CCDC171: variants seen among roughly 807,000 people sequenced by gnomAD.
The protein encoded by CCDC171 is coiled-coil domain containing 171.
A neutral mutation model predicts 168.2 loss-of-function variants in CCDC171; 177 were observed. The ratio of observed to expected loss-of-function variants is 1.05; its 90% CI spans 0.93 to 1.19. The LOEUF (loss-of-function observed/expected upper bound fraction) is 1.19, where lower values mean the gene tolerates loss of function less well. Among genes scored for constraint, CCDC171 ranks in the 50% most tolerant of loss-of-function variants. CCDC171 has a pLI of 0.00. For missense variants in CCDC171, 1,991 were observed against 1,539.0 expected (o/e 1.29, Z -4.91); for synonymous variants, 687 against 540.8 (o/e 1.27, Z -3.75).
At chr9:15,633,404 C>CA (rs1350317575) in intron 7 of CCDC171, among the ~76,000 whole-genome samples, 3 of 151,908 alleles carry the variant, frequency 2.0e-5, no homozygotes, top group East Asian at 1.9e-4. Flanking sequence ...TTTATGCAGC[C>CA]AAAAAAACAC....
intron 7 of CCDC171, among the ~76,000 whole-genome samples, chr9:15,625,330 A>G (rs555167502): frequency 3.9e-5 from 6 of 152,252 alleles, no homozygotes; most frequent in African/African-American, 1.4e-4. Context: ...ATTAGATCTC[A>G]TTTGTCAATT....
At chr9:16,073,865 G>C in the CCDC171 span, among the ~76,000 whole-genome samples, 7 of 152,298 alleles carry the variant, frequency 4.6e-5, no homozygotes, top group East Asian at 1.3e-3. Context: ...TCTGAGGTGA[G>C]GTAAACAAAG....
intron 7 of CCDC171, among the ~76,000 whole-genome samples, chr9:15,653,486 C>A (rs1349865799): frequency 6.6e-6 from 1 of 151,538 alleles, no homozygotes; most frequent in Non-Finnish European, 1.5e-5. Context: ...GCCATACTAC[C>A]CCCTTAACTT....
intron 21 of CCDC171, among the ~76,000 whole-genome samples, chr9:15,796,382 A>G (rs532343090): frequency 7.9e-5 from 12 of 152,366 alleles, no homozygotes; most frequent in African/African-American, 2.6e-4. Flanking sequence ...GTAGAGTACC[A>G]TAAGCACCTA....
chr9:16,041,016 C>T (rs1330916287), upstream of CCDC171, among the ~76,000 whole-genome samples: 1 of 151,742 alleles, frequency 6.6e-6, no homozygotes, highest in African/African-American at 2.4e-5. Context: ...TCTTAATGAG[C>T]AGCTACTGTG....
intron 8 of CCDC171, among the ~76,000 whole-genome samples, chr9:15,661,458 C>T (rs890975314): frequency 6.6e-6 from 1 of 151,876 alleles, no homozygotes; most frequent in Non-Finnish European, 1.5e-5. Flanking sequence ...CTATTTTTTA[C>T]TTATATGGTT....
chr9:15,679,066 A>G lies in CCDC171; in HGVS notation c.1215+170A>G, dbSNP rs371746374. On this transcript the variant is annotated intron_variant, in intron 10 of 25. Coordinates refer to ENST00000380701, the MANE Select transcript of CCDC171 (RefSeq NM_173550.4). Reference sequence around the variant, plus strand: ...AATGCTGATTACATCAAAGATACACATAATGAAACCTCTCTGATTTGGAAT... The same window carrying G: ...AATGCTGATTACATCAAAGATACACGTAATGAAACCTCTCTGATTTGGAAT... 7.7e-4 allele frequency among the ~76,000 whole-genome samples: 117 copies of G among 152,244 alleles called. 1 individual carries two copies. The highest frequency in any genetic ancestry group is 2.6e-3 in the African/African-American group (107 of 41,464).
chr9:16,069,804 G>A, the CCDC171 span, among the ~76,000 whole-genome samples: 13 of 152,318 alleles, frequency 8.5e-5, no homozygotes, highest in African/African-American at 3.1e-4. Flanking sequence ...GAGGCTGACA[G>A]TGCCCAGGAA....
chr9:15,990,499 A>G (rs1832152390), intron 3 of CCDC171, among the ~76,000 whole-genome samples: 1 of 152,234 alleles, frequency 6.6e-6, no homozygotes, highest in South Asian at 2.1e-4. Flanking sequence ...CATCGATGCT[A>G]GGAAGAAACT....
the CCDC171 span, among the ~76,000 whole-genome samples, chr9:16,080,780 A>G: frequency 6.6e-6 from 1 of 152,110 alleles, no homozygotes; most frequent in African/African-American, 2.4e-5. Context: ...AAGACAGCTC[A>G]AATCTCCTTC....
chr9:15,693,907 T>C (rs529022584), intron 10 of CCDC171, among the ~76,000 whole-genome samples: 1 of 152,258 alleles, frequency 6.6e-6, no homozygotes, highest in African/African-American at 2.4e-5. Flanking sequence ...TGTTTCTATT[T>C]ACTCATCTCT....
At chr9:15,630,695 C>T (rs540821510) in intron 7 of CCDC171, among the ~76,000 whole-genome samples, 11 of 152,176 alleles carry the variant, frequency 7.2e-5, no homozygotes, top group African/African-American at 2.2e-4. Flanking sequence ...ATCTACAGAA[C>T]TCTCCACCCC....
In CCDC171 at chr9:15,745,565, A is replaced by G. The variant is rs1371513176; in HGVS notation, c.2605A>G (p.Ser869Gly). ...TTTACAAGCGCTCAGTTGGCTCACCAGTTCTGACCTTCTTGCTGCAATAAT... is the reference window on the plus strand; with the variant it reads ...TTTACAAGCGCTCAGTTGGCTCACCGGTTCTGACCTTCTTGCTGCAATAAT... ...RCLQALSWLT[S>G]SDLLAAIISS... The change falls in exon 18 of 26, where the codon AGT (serine) becomes GGT (glycine). Residue 869 changes from serine (S) to glycine (G), a missense_variant. Coordinates refer to ENST00000380701, the MANE Select transcript of CCDC171 (RefSeq NM_173550.4). 6.3e-7 allele frequency: 1 copy of G among 1,590,536 alleles called. No homozygotes were observed. Among genetic ancestry groups the G allele is most frequent in the Non-Finnish European group, 8.5e-7 (1 of 1,170,366 alleles).
At position 15,816,626 on chromosome 9, in the gene CCDC171, G is replaced by A. The variant is rs151193883; in HGVS notation, c.3268-30076G>A. ...AAGACGAGTGGCTTAGGACAGGGTG[G>A]TAGGAGTAAAGAGAGGTTAGATTCT... is the stretch of plus-strand genomic sequence containing the variant. On this transcript the variant is annotated intron_variant, in intron 21 of 25. Coordinates refer to ENST00000380701, the MANE Select transcript of CCDC171 (RefSeq NM_173550.4). Among the ~76,000 whole-genome samples the A allele has an allele frequency of 1.0e-4, 12 of 118,230 alleles. 4 individuals carry two copies. The East Asian group carries it at 2.6e-3, about 25-fold the overall frequency. 77.6% of individuals were successfully genotyped at this position (118,230 alleles called of 152,430 possible).
intron 24 of CCDC171, among the ~76,000 whole-genome samples, chr9:15,913,997 C>A (rs1389447189): frequency 2.0e-5 from 3 of 152,210 alleles, no homozygotes; most frequent in African/African-American, 7.2e-5. Flanking sequence ...AAGATTGCTG[C>A]CTGCTCCTTC....
intron 24 of CCDC171, among the ~76,000 whole-genome samples, chr9:15,913,939 C>T (rs973592526): frequency 6.6e-6 from 1 of 152,204 alleles, no homozygotes; most frequent in African/African-American, 2.4e-5. Flanking sequence ...GGATTCCACT[C>T]CAGACCCTGT....
downstream of CCDC171, among the ~76,000 whole-genome samples, chr9:16,064,344 A>T (rs1833968526): frequency 6.6e-6 from 1 of 152,182 alleles, no homozygotes; most frequent in Non-Finnish European, 1.5e-5. Flanking sequence ...ATTGTCTTCC[A>T]GCTCGGTAGA....
intron 3 of CCDC171, among the ~76,000 whole-genome samples, chr9:16,015,802 A>G (rs565524373): frequency 7.9e-5 from 12 of 152,138 alleles, no homozygotes; most frequent in African/African-American, 2.7e-4. Context: ...TCTTACAACC[A>G]CGATTCTACT....
chr9:15,884,737 C>G (rs1819161513), intron 24 of CCDC171, among the ~76,000 whole-genome samples: 1 of 152,102 alleles, frequency 6.6e-6, no homozygotes, highest in Admixed American at 6.6e-5. Flanking sequence ...TGACGCCAGT[C>G]TTGCTTTTGC....
Sources: gnomAD v4.1 joint callset for allele counts (sites outside exome capture counted in the v4.1 genomes callset) on GRCh38, gnomAD v4.1.1 for gene constraint, MANE v1.5 for transcripts, NCBI Gene and HGNC (gene_info 2026-07-23, HGNC 2026-07-21) for gene names.